SLIT2: variants seen among roughly 807,000 people sequenced by gnomAD.
SLIT2 encodes the protein slit homolog 2 protein.
In SLIT2, 41 loss-of-function variants were observed where a neutral mutation model predicts 185.7. That is an observed-to-expected ratio of 0.22 (90% CI 0.17 to 0.29). The LOEUF is 0.29. SLIT2 is among the 10% of genes least tolerant of loss of function. The probability of loss-of-function intolerance (pLI) is 1.00; values close to 1 mark genes in which losing one functional copy is unlikely to be tolerated. For synonymous variants in SLIT2, 693 were observed against 680.2 expected (o/e 1.02, Z -0.29); for missense variants, 1,571 against 1,909.0 (o/e 0.82, Z 3.30).
chr4:20,486,321 C>T, intron 7 of SLIT2, 50 bp downstream of exon 7: 1 of 1,055,154 alleles, frequency 9.5e-7, no homozygotes, highest in Non-Finnish European at 1.5e-6. Context: ...TTAAAGCTTC[C>T]CCTTAAATAG....
chr4:20,486,614 G>A (rs1717269249), intron 7 of SLIT2, among the ~76,000 whole-genome samples: 1 of 152,090 alleles, frequency 6.6e-6, no homozygotes, highest in Non-Finnish European at 1.5e-5. Flanking sequence ...TTACTGTACT[G>A]CAAGCAGACC....
At chr4:20,513,448 A>G (rs1719929884) in intron 11 of SLIT2, among the ~76,000 whole-genome samples, 1 of 152,206 alleles carries the variant, frequency 6.6e-6, no homozygotes, top group Non-Finnish European at 1.5e-5. Flanking sequence ...TCCCCTCCAT[A>G]AAATATATAA....
In SLIT2 at chr4:20,541,593, C is replaced by T. The variant is rs1313087872; in HGVS notation, c.2117C>T (p.Ala706Val). 6.2e-7 allele frequency: 1 copy of T among 1,613,660 alleles called. No individual in the cohort carries two copies. Among genetic ancestry groups the T allele is most frequent in the Non-Finnish European group, 8.5e-7 (1 of 1,179,708 alleles). ...FLKEIPIQDV[A>V]IQDFTCDDGN... is the part of the protein sequence containing the mutation. ...AAAGAAATACCCATCCAGGATGTGG[C>T]CATTCAGGACTTCACTTGTGATGAC... Residue 706 changes from alanine to valine, a missense_variant, in exon 20 of 37, where the codon GCC becomes GTC. This residue lies in a region of SLIT2 where 1,202 missense variants were observed against 1,416.4 expected (regional missense o/e 0.85). Coordinates refer to ENST00000504154, the MANE Select transcript of SLIT2 (RefSeq NM_004787.4).
chr4:20,316,090 A>C (rs1233325041), intron 4 of SLIT2, among the ~76,000 whole-genome samples: 1 of 152,074 alleles, frequency 6.6e-6, no homozygotes, highest in Non-Finnish European at 1.5e-5. Context: ...GGCAAAACAT[A>C]AAGAACTTTA....
intron 29 of SLIT2, among the ~76,000 whole-genome samples, chr4:20,588,437 G>T (rs965223225): frequency 2.0e-5 from 3 of 152,170 alleles, no homozygotes; most frequent in Non-Finnish European, 2.9e-5. Context: ...CTGTTACAAG[G>T]TGCACAAGCC....
chr4:20,421,476 A>C (rs1728172282), intron 4 of SLIT2, among the ~76,000 whole-genome samples: 1 of 152,190 alleles, frequency 6.6e-6, no homozygotes, highest in South Asian at 2.1e-4. Context: ...CATTAAAAGG[A>C]GCAACATATG....
chr4:20,570,379 A>T (rs1725468661), intron 29 of SLIT2, among the ~76,000 whole-genome samples: 1 of 151,996 alleles, frequency 6.6e-6, no homozygotes, highest in South Asian at 2.1e-4. Context: ...TGTAAATGTT[A>T]TGTAGCTTTG....
At chr4:20,482,348 A>G (rs1243561964) in intron 6 of SLIT2, among the ~76,000 whole-genome samples, 1 of 152,048 alleles carries the variant, frequency 6.6e-6, no homozygotes, top group Middle Eastern at 3.2e-3. Flanking sequence ...GTATTTATTC[A>G]ATATATGTAT....
In SLIT2 at chr4:20,567,570, A is replaced by G. The variant is rs1467868268; in HGVS notation, c.2903A>G (p.His968Arg). ...IHACISNPCK[H>R]GGTCHLKEGE... ...GCCTGCATCAGTAACCCATGTAAAC[A>G]TGGAGGAACTTGCCACTTAAAGGAA... Residue 968 changes from histidine to arginine, a missense_variant, in exon 28 of 37, where the codon CAT becomes CGT. His to Arg is a conservative substitution (Grantham distance 29). Transcript: ENST00000504154. The G allele has an allele frequency of 1.2e-6, 2 of 1,613,388 alleles. No individual in the cohort carries two copies. The highest frequency in any genetic ancestry group is 1.7e-6 in the Non-Finnish European group (2 of 1,179,498).
chr4:20,567,332 A>C lies in SLIT2; in HGVS notation c.2796A>C (p.Thr932=). The part of the protein sequence containing the change: ...CLSNPCKNDG[T]CNSDPVDFYR... The stretch of plus-strand genomic sequence containing the variant: ...CAAATCCGTGTAAAAATGATGGCAC[A>C]TGTAATAGTGATCCAGTTGACTTTT... Residue 932 remains threonine, a synonymous_variant, in exon 27 of 37, where the codon ACA becomes ACC. Coordinates refer to ENST00000504154, the MANE Select transcript of SLIT2 (RefSeq NM_004787.4). 1 of 1,613,088 alleles carries C rather than the reference A, an allele frequency of 6.2e-7. No individual in the cohort carries two copies. The highest frequency in any genetic ancestry group is 8.5e-7 in the Non-Finnish European group (1 of 1,179,232).
intron 4 of SLIT2, among the ~76,000 whole-genome samples, chr4:20,409,269 G>A (rs1052881214): frequency 2.0e-5 from 3 of 152,068 alleles, no homozygotes; most frequent in Admixed American, 6.6e-5. Context: ...TCCCCACCAT[G>A]TGTCCATGTG....
chr4:20,463,515 ATGTG>A lies in SLIT2; in HGVS notation c.396-4209_396-4206del, dbSNP rs375793654. Among the ~76,000 whole-genome samples, 164 of 112,306 alleles carry A rather than the reference ATGTG, an allele frequency of 1.5e-3. 1 individual carries two copies. The highest frequency in any genetic ancestry group is 7.7e-3 in the South Asian group (23 of 3,000). The allele number at this position is 112,306 out of a possible 152,430, so 73.7% of individuals were successfully genotyped here. ...TATGTGTGTGTGCGTATATCCATATATGTGTGTGTGTGTGTGTGTGTGTGTGTGT... is the reference window on the plus strand; with the variant it reads ...TATGTGTGTGTGCGTATATCCATATATGTGTGTGTGTGTGTGTGTGTGTGT... On this transcript the variant is annotated intron_variant, in intron 4 of 36. Transcript: ENST00000504154.
intron 4 of SLIT2, among the ~76,000 whole-genome samples, chr4:20,390,775 A>C (rs1338107691): frequency 7.0e-6 from 1 of 143,392 alleles, no homozygotes; most frequent in Admixed American, 7.1e-5. Flanking sequence ...TTTTTTTAAA[A>C]AAAAATATAT....
intron 4 of SLIT2, among the ~76,000 whole-genome samples, chr4:20,393,091 G>A (rs1451982881): frequency 1.3e-5 from 2 of 151,944 alleles, no homozygotes; most frequent in African/African-American, 2.4e-5. Context: ...ACACTAAGAC[G>A]TCACAATGAC....
intron 29 of SLIT2, among the ~76,000 whole-genome samples, 180 bp from the exon 30 acceptor site, chr4:20,589,464 A>G (rs940845197): frequency 1.3e-5 from 2 of 152,254 alleles, no homozygotes; most frequent in African/African-American, 4.8e-5. Flanking sequence ...CAGCAGACTC[A>G]GAATTGGATA....
At chr4:20,368,396 CAGT>C (rs1438119129) in intron 4 of SLIT2, among the ~76,000 whole-genome samples, 2 of 151,536 alleles carry the variant, frequency 1.3e-5, no homozygotes, top group Admixed American at 6.6e-5. Flanking sequence ...AGAAAGTTCT[CAGT>C]AGCCCTCTGG....
At chr4:20,459,084 A>G (rs919769353) in intron 4 of SLIT2, among the ~76,000 whole-genome samples, 12 of 152,280 alleles carry the variant, frequency 7.9e-5, no homozygotes, top group Non-Finnish European at 1.8e-4. Context: ...ACTGTGTTCA[A>G]CAAAACTGTT....
intron 4 of SLIT2, 114 bp downstream of exon 4, chr4:20,268,995 G>T: frequency 1.5e-6 from 1 of 679,262 alleles, no homozygotes; most frequent in Non-Finnish European, 2.7e-6. Context: ...ATAGATTAAT[G>T]GATTAAAAGT....
chr4:20,334,521 T>TG (rs1720335642), intron 4 of SLIT2, among the ~76,000 whole-genome samples: 1 of 152,098 alleles, frequency 6.6e-6, no homozygotes, highest in Admixed American at 6.6e-5. Flanking sequence ...CTTAACTGGG[T>TG]GGTTCCTTTT....
Sources: allele counts gnomAD v4.1 joint callset (sites outside exome capture counted in the v4.1 genomes callset), GRCh38; gene constraint gnomAD v4.1.1; regional missense constraint gnomAD v4.1.1; transcripts MANE v1.5; gene names NCBI Gene and HGNC (gene_info 2026-07-23, HGNC 2026-07-21).